Variants in RNF150 observed in about 807,000 individuals in gnomAD.
The protein encoded by RNF150 is ring finger protein 150.
In RNF150, 24 loss-of-function variants were observed where a neutral mutation model predicts 39.3. The observed-to-expected ratio is 0.61, with a 90% CI of 0.44 to 0.86. The LOEUF is 0.86. RNF150 is among the 40% of genes least tolerant of loss of function. The probability of loss-of-function intolerance (pLI) is 0.00; values close to 1 mark genes in which losing one functional copy is unlikely to be tolerated. For missense variants in RNF150, 502 were observed against 587.8 expected (o/e 0.85, Z 1.51); for synonymous variants, 255 against 227.3 (o/e 1.12, Z -1.10).
At chr4:141,061,472 G>A (rs889287359) in intron 1 of RNF150, among the ~76,000 whole-genome samples, 2 of 152,120 alleles carry the variant, frequency 1.3e-5, no homozygotes, top group African/African-American at 4.8e-5. Flanking sequence ...AAAATAATCA[G>A]ACTAGTGGTA....
At chr4:141,049,535 G>A (rs985398386) in intron 1 of RNF150, among the ~76,000 whole-genome samples, 2 of 151,880 alleles carry the variant, frequency 1.3e-5, no homozygotes, top group Admixed American at 6.6e-5. Flanking sequence ...TACAGAAGGT[G>A]AAAAAAATTA....
intron 1 of RNF150, among the ~76,000 whole-genome samples, chr4:141,151,588 G>T (rs1002141274): frequency 6.6e-6 from 1 of 151,920 alleles, no homozygotes; most frequent in African/African-American, 2.4e-5. Flanking sequence ...TAATCTAAAA[G>T]GATCAGAAAA....
chr4:141,161,377 C>T (rs1727510080), intron 1 of RNF150, among the ~76,000 whole-genome samples: 1 of 152,130 alleles, frequency 6.6e-6, no homozygotes, highest in South Asian at 2.1e-4. Flanking sequence ...AACCTATGCA[C>T]ATGTGTGTAA....
At chr4:140,973,893 A>T (rs1033541993) in intron 1 of RNF150, among the ~76,000 whole-genome samples, 1 of 151,380 alleles carries the variant, frequency 6.6e-6, no homozygotes, top group East Asian at 1.9e-4. Flanking sequence ...AAAAAAAAAA[A>T]AAAAGAAGAG....
intron 1 of RNF150, among the ~76,000 whole-genome samples, chr4:141,048,524 A>T (rs2110882246): frequency 6.6e-6 from 1 of 152,280 alleles, no homozygotes; most frequent in Admixed American, 6.5e-5. Flanking sequence ...TGAGGCTAAG[A>T]GTTTGAGACC....
intron 1 of RNF150, among the ~76,000 whole-genome samples, chr4:141,208,145 G>A (rs971335184): frequency 2.6e-5 from 4 of 152,196 alleles, no homozygotes; most frequent in South Asian, 2.1e-4. Context: ...TTCCTGCCTT[G>A]CCCTGCGGGA....
At chr4:141,151,128 A>C (rs1321392679) in intron 1 of RNF150, among the ~76,000 whole-genome samples, 2 of 151,836 alleles carry the variant, frequency 1.3e-5, no homozygotes, top group Non-Finnish European at 2.9e-5. Context: ...TTTTTTGTAG[A>C]GGATGGGGTC....
At chr4:141,134,523 T>A (rs1726992852), upstream of RNF150, among the ~76,000 whole-genome samples, 2 of 152,186 alleles carry the variant, frequency 1.3e-5, no homozygotes, top group African/African-American at 4.8e-5. Flanking sequence ...CAGCTCTTCG[T>A]TAATGAACGT....
chr4:140,989,705 G>A (rs1734131233), intron 1 of RNF150, among the ~76,000 whole-genome samples: 1 of 151,612 alleles, frequency 6.6e-6, no homozygotes, highest in South Asian at 2.1e-4. Context: ...CGACTAAAAT[G>A]TGTAAATTGA....
chr4:141,062,248 C>A (rs12506655), intron 1 of RNF150, among the ~76,000 whole-genome samples: 2 of 151,730 alleles, frequency 1.3e-5, no homozygotes, highest in African/African-American at 4.9e-5. Flanking sequence ...TGAGTCTTTG[C>A]GTAAAATTCT....
chr4:141,096,500 G>C (rs1040743978), intron 1 of RNF150, among the ~76,000 whole-genome samples: 16 of 151,908 alleles, frequency 1.1e-4, no homozygotes, highest in Non-Finnish European at 2.9e-5. Context: ...GCCCAGCCAA[G>C]AGTTTTTAGC....
intron 5 of RNF150, among the ~76,000 whole-genome samples, chr4:140,918,530 G>C (rs1408329463): frequency 3.3e-5 from 5 of 152,140 alleles, no homozygotes; most frequent in Admixed American, 6.5e-5. Context: ...CTCTGAAATT[G>C]TGGCAATAAT....
intron 5 of RNF150, among the ~76,000 whole-genome samples, chr4:140,923,985 G>C (rs7656504): frequency 0.55 from 83,422 of 151,772 alleles, 23,452 homozygotes; most frequent in East Asian, 0.89. Flanking sequence ...GTGGGGGAAG[G>C]GGGGAGGGAT....
chr4:140,951,126 T>A (rs1235027816), intron 2 of RNF150, among the ~76,000 whole-genome samples: 1 of 152,198 alleles, frequency 6.6e-6, no homozygotes. Flanking sequence ...CCTTCCTAGA[T>A]GTATCCAACA....
Position 140,861,169 on chromosome 4 carries a change from AC to A in RNF150, c.*7091del, listed in dbSNP as rs770865955. On this transcript the variant is annotated 3_prime_UTR_variant, in exon 7 of 7. Coordinates refer to ENST00000515673, the MANE Select transcript of RNF150 (RefSeq NM_020724.2). ...TGTACAAAACACATCAGTATTTCAC[AC>A]CATTTACATTCATATGAAGTCTTTT... 9.2e-5 allele frequency: 14 copies of A among 152,190 alleles called. No individual in the cohort carries two copies. Among genetic ancestry groups the A allele is most frequent in the Non-Finnish European group, 2.1e-4 (14 of 68,040 alleles). 9.4% of individuals were successfully genotyped at this position (152,190 alleles called of 1,614,324 possible). A position where few individuals can be genotyped will look rare whatever the true frequency, so the allele number is the denominator to read the frequency against.
At chr4:140,921,387 C>T (rs201550820) in intron 5 of RNF150, among the ~76,000 whole-genome samples, 21 of 31,532 alleles carry the variant, frequency 6.7e-4, no homozygotes, top group African/African-American at 1.7e-3. Flanking sequence ...ATAAATTCCT[C>T]GACACATACA....
intron 1 of RNF150, among the ~76,000 whole-genome samples, chr4:141,169,123 G>A (rs1015989576): frequency 1.3e-5 from 2 of 152,120 alleles, no homozygotes; most frequent in Non-Finnish European, 2.9e-5. Flanking sequence ...CTGGTGGGAG[G>A]TGGTTAGATC....
chr4:141,044,626 G>A (rs1296889796), intron 1 of RNF150, among the ~76,000 whole-genome samples: 1 of 152,202 alleles, frequency 6.6e-6, no homozygotes, highest in African/African-American at 2.4e-5. Context: ...TTTGCAGTCA[G>A]TTTAGAAGAC....
intron 1 of RNF150, among the ~76,000 whole-genome samples, chr4:141,117,646 T>C (rs1560747429): frequency 6.6e-6 from 1 of 152,224 alleles, no homozygotes; most frequent in African/African-American, 2.4e-5. Flanking sequence ...GTCCACATCA[T>C]TAAGCAATGC....
Sources: allele counts gnomAD v4.1 joint callset (sites outside exome capture counted in the v4.1 genomes callset), GRCh38; gene constraint gnomAD v4.1.1; transcripts MANE v1.5; gene names NCBI Gene and HGNC (gene_info 2026-07-23, HGNC 2026-07-21).